Variants in LRRC41 observed in about 807,000 individuals in gnomAD.
LRRC41 encodes the protein leucine rich repeat containing 41.
LRRC41 carries 17 observed loss-of-function variants against 72.1 expected under a neutral mutation model. That is an observed-to-expected ratio of 0.24 (90% CI 0.16 to 0.35). The LOEUF (loss-of-function observed/expected upper bound fraction) is 0.35, where lower values mean the gene tolerates loss of function less well. Ranked by LOEUF, LRRC41 falls within the 10% of genes least tolerant of loss-of-function variation. LRRC41 has a pLI of 1.00. For missense variants in LRRC41, 759 were observed against 1,065.0 expected (o/e 0.71, Z 4.00); for synonymous variants, 427 against 431.0 (o/e 0.99, Z 0.11).
rs1184208897 is a variant in LRRC41 at position 46,279,948 on chromosome 1, A to AC, written c.2020+243_2020+244insG. ...ACATTTATTTTGCCCCACCACCACC[A>AC]TTTTGTCCACCTCTGAAAGGTAAGA... On this transcript the variant is annotated intron_variant, in intron 7 of 9. Transcript: ENST00000617190. The surrounding 1 kb of genome is among the most constrained non-coding windows in gnomAD (Gnocchi z 4.5). Among the ~76,000 whole-genome samples, 21 of 152,258 alleles carry AC rather than the reference A, an allele frequency of 1.4e-4. No individual in the cohort carries two copies. The highest frequency in any genetic ancestry group is 5.1e-4 in the African/African-American group (21 of 41,544).
chr1:46,294,401 C>T (rs1292104321), intron 3 of LRRC41, among the ~76,000 whole-genome samples: 1 of 152,082 alleles, frequency 6.6e-6, no homozygotes, highest in Non-Finnish European at 1.5e-5. Context: ...AGCTACCGCG[C>T]CCAGCCCTTT....
At position 46,302,968 on chromosome 1, in the gene LRRC41, G is replaced by T; in HGVS notation, c.199+156C>A. On this transcript the variant is annotated intron_variant, in intron 1 of 9. Coordinates refer to ENST00000617190, the MANE Select transcript of LRRC41 (RefSeq NM_006369.5). The surrounding 1 kb of genome is among the most constrained non-coding windows in gnomAD (Gnocchi z 4.7). Reference sequence around the variant, plus strand: ...CTCCGTCTTTACTCTGTCCAGCCCTGTCAGTCACAAAATTCATTCTCCGAT... The same window carrying T: ...CTCCGTCTTTACTCTGTCCAGCCCTTTCAGTCACAAAATTCATTCTCCGAT... The T allele has an allele frequency of 1.0e-6, 1 of 983,670 alleles. No individual in the cohort carries two copies. The highest frequency in any genetic ancestry group is 1.2e-6 in the Non-Finnish European group (1 of 829,552). The allele number at this position is 983,670 out of a possible 1,614,324, so 60.9% of individuals were successfully genotyped here. A position where few individuals can be genotyped will look rare whatever the true frequency, so the allele number is the denominator to read the frequency against.
intron 3 of LRRC41, among the ~76,000 whole-genome samples, chr1:46,294,665 G>T (rs1263194261): frequency 2.7e-5 from 4 of 147,232 alleles, no homozygotes; most frequent in African/African-American, 1.0e-4. Flanking sequence ...TGTGATCTTG[G>T]CTCACTGCAA....
At chr1:46,293,108 C>T (rs1016392105) in intron 3 of LRRC41, among the ~76,000 whole-genome samples, 9 of 151,268 alleles carry the variant, frequency 5.9e-5, no homozygotes, top group Admixed American at 1.3e-4. Context: ...CACTTGAACC[C>T]GGGAGGCAGA....
rs77417631 is a variant in LRRC41 at position 46,285,776 on chromosome 1, G to A, written c.1081C>T (p.Pro361Ser). The change falls in exon 4 of 10, where the codon CCA (proline) becomes TCA (serine). Residue 361 changes from proline to serine, a missense_variant. By Grantham distance (74) the Pro-to-Ser change is moderately conservative. Transcript: ENST00000617190. This position sits in a 1 kb window ranked among gnomAD's most constrained non-coding sequence, Gnocchi z 5.3. The stretch of plus-strand genomic sequence containing the variant: ...GAAGAGGCAGAGGAGGTGGCTGCTG[G>A]AGCAGAAGGTGACCGCTTGGTGCCA... ...APGTKRSPSA[P>S]AATSSASSST... is the part of the protein sequence containing the mutation. 8,380 of 1,595,694 alleles carry A rather than the reference G, an allele frequency of 5.3e-3. 28 individuals carry two copies. Among genetic ancestry groups the A allele is most frequent in the Middle Eastern group, 8.6e-3 (51 of 5,930 alleles).
intron 4 of LRRC41, among the ~76,000 whole-genome samples, chr1:46,284,715 C>A (rs981828230): frequency 6.6e-6 from 1 of 151,974 alleles, no homozygotes; most frequent in African/African-American, 2.4e-5. Flanking sequence ...TGAGGTCATC[C>A]CTGAGAAGGG....
At chr1:46,283,333 A>G (rs1660818539) in intron 4 of LRRC41, among the ~76,000 whole-genome samples, 1 of 152,202 alleles carries the variant, frequency 6.6e-6, no homozygotes, top group Non-Finnish European at 1.5e-5. Context: ...AATTGTAAAG[A>G]TAGGGCTGGG....
chr1:46,302,743 G>T lies in LRRC41; in HGVS notation c.199+381C>A. On this transcript the variant is annotated intron_variant, in intron 1 of 9. Transcript: ENST00000617190. The surrounding 1 kb of genome is among the most constrained non-coding windows in gnomAD (Gnocchi z 4.7). The stretch of plus-strand genomic sequence containing the variant: ...TAACCTCGGCCCCTGCCCTAGGGCA[G>T]CCGGGCCATCGCTGCCCACCGGTTC... 2.4e-5 allele frequency: 24 copies of T among 985,004 alleles called. No individual in the cohort carries two copies. The highest frequency in any genetic ancestry group is 2.9e-5 in the Non-Finnish European group (24 of 829,742). 61.0% of individuals were successfully genotyped at this position (985,004 alleles called of 1,614,324 possible). A position where few individuals can be genotyped will look rare whatever the true frequency, so the allele number is the denominator to read the frequency against.
chr1:46,286,523 A>C lies in LRRC41; in HGVS notation c.358-24T>G, dbSNP rs374485886. 1.3e-6 allele frequency: 2 copies of C among 1,566,620 alleles called. No individual in the cohort carries two copies. The highest frequency in any genetic ancestry group is 1.7e-6 in the Non-Finnish European group (2 of 1,155,810). Reference sequence around the variant, plus strand: ...CTCTGAAACGCAGAAAACATGCCAGACAGCCATGATATATCCATGAAACTG... The same window carrying C: ...CTCTGAAACGCAGAAAACATGCCAGCCAGCCATGATATATCCATGAAACTG... On this transcript the variant is annotated intron_variant, in intron 3 of 9. Transcript: ENST00000617190. The surrounding 1 kb of genome is among the most constrained non-coding windows in gnomAD (Gnocchi z 5.5).
rs755708024 is a variant in LRRC41 at position 46,279,304 on chromosome 1, G to A, written c.2144-47C>T. On this transcript the variant is annotated intron_variant, in intron 8 of 9. Transcript: ENST00000617190. The surrounding 1 kb of genome is among the most constrained non-coding windows in gnomAD (Gnocchi z 4.5). ...CTATCACCTCCACCCAAGAACAGGGGACAAGGGTATCCCAACCCAACTATG... is the reference window on the plus strand; with the variant it reads ...CTATCACCTCCACCCAAGAACAGGGAACAAGGGTATCCCAACCCAACTATG... 6.2e-6 allele frequency: 10 copies of A among 1,601,512 alleles called. No homozygotes were observed. The South Asian group carries it at 9.9e-5, about 16-fold the overall frequency.
chr1:46,297,701 G>A, intron 2 of LRRC41, 68 bp from the exon 3 acceptor site: 1 of 1,163,978 alleles, frequency 8.6e-7, no homozygotes, highest in Non-Finnish European at 1.3e-6. Flanking sequence ...AACCTTTCAT[G>A]TTGTCTTCTG....
At chr1:46,292,927 T>C (rs990692686) in intron 3 of LRRC41, among the ~76,000 whole-genome samples, 2 of 152,346 alleles carry the variant, frequency 1.3e-5, no homozygotes, top group Admixed American at 1.3e-4. Context: ...GGCTCACGCC[T>C]ATAATCCCAG....
chr1:46,279,740 T>A lies in LRRC41; in HGVS notation c.2021-126A>T. 1.8e-6 allele frequency: 2 copies of A among 1,129,688 alleles called. No individual in the cohort carries two copies. The highest frequency in any genetic ancestry group is 2.6e-6 in the Non-Finnish European group (2 of 779,830). 70.0% of individuals were successfully genotyped at this position (1,129,688 alleles called of 1,614,324 possible). On this transcript the variant is annotated intron_variant, in intron 7 of 9. Coordinates refer to ENST00000617190, the MANE Select transcript of LRRC41 (RefSeq NM_006369.5). This position sits in a 1 kb window ranked among gnomAD's most constrained non-coding sequence, Gnocchi z 4.5. ...GCCCAAAAAGAGGAAGGAATTTGTC[T>A]AGACTCCAAGCAAGGCTGGAACTAA...
chr1:46,279,172 C>T lies in LRRC41; in HGVS notation c.2219+10G>A. ...GCCCCATCCCTTGTCTTGCCCCTCC[C>T]CTCATGTACCTGATGTCCAGCTGAC... is the stretch of plus-strand genomic sequence containing the variant. On this transcript the variant is annotated intron_variant, in intron 9 of 9. Coordinates refer to ENST00000617190, the MANE Select transcript of LRRC41 (RefSeq NM_006369.5). This position sits in a 1 kb window ranked among gnomAD's most constrained non-coding sequence, Gnocchi z 4.5. 1.2e-6 allele frequency: 2 copies of T among 1,614,068 alleles called. No individual in the cohort carries two copies. The highest frequency in any genetic ancestry group is 1.7e-6 in the Non-Finnish European group (2 of 1,179,942).
intron 3 of LRRC41, among the ~76,000 whole-genome samples, chr1:46,287,170 G>A (rs139951950): frequency 0.015 from 2,223 of 151,860 alleles, 42 homozygotes; most frequent in African/African-American, 0.049. Context: ...GTCCAGTGGC[G>A]TGATCTCGGC....
chr1:46,302,471 C>T lies in LRRC41; in HGVS notation c.199+653G>A, dbSNP rs988510883. On this transcript the variant is annotated intron_variant, in intron 1 of 9. Transcript: ENST00000617190. This position sits in a 1 kb window ranked among gnomAD's most constrained non-coding sequence, Gnocchi z 4.7. ...TTAGTCAGTTTGGCACCCGAGACCCCGGTTGTCGGTTCGCTCCCGTCAGCC... is the reference window on the plus strand; with the variant it reads ...TTAGTCAGTTTGGCACCCGAGACCCTGGTTGTCGGTTCGCTCCCGTCAGCC... 3.0e-6 allele frequency: 3 copies of T among 985,272 alleles called. No individual in the cohort carries two copies. The African/African-American group carries it at 5.2e-5, about 17-fold the overall frequency. 61.0% of individuals were successfully genotyped at this position (985,272 alleles called of 1,614,324 possible). A position where few individuals can be genotyped will look rare whatever the true frequency, so the allele number is the denominator to read the frequency against.
At chr1:46,301,880 A>C in intron 1 of LRRC41, 1 of 876,136 alleles carries the variant, frequency 1.1e-6, no homozygotes, top group Non-Finnish European at 1.4e-6. Flanking sequence ...GCCCAACTCC[A>C]ACCCCGGCCT....
At position 46,303,382 on chromosome 1, in the gene LRRC41, G is replaced by A; in HGVS notation, c.-60C>T. ...GCGGACCGCCATCTTGAAAAGGTCA[G>A]CAGTTAGGACGGCTCCATAAGCGAT... On this transcript the variant is annotated 5_prime_UTR_variant, in exon 1 of 10. Coordinates refer to ENST00000617190, the MANE Select transcript of LRRC41 (RefSeq NM_006369.5). The A allele has an allele frequency of 7.0e-7, 1 of 1,432,118 alleles. No individual in the cohort carries two copies. The highest frequency in any genetic ancestry group is 9.2e-7 in the Non-Finnish European group (1 of 1,085,254). 88.7% of individuals were successfully genotyped at this position (1,432,118 alleles called of 1,614,324 possible).
At chr1:46,293,420 TG>T (rs1183125324) in intron 3 of LRRC41, among the ~76,000 whole-genome samples, 3 of 151,934 alleles carry the variant, frequency 2.0e-5, no homozygotes, top group Non-Finnish European at 2.9e-5. Context: ...TTGTATTTTT[TG>T]TAGAGACAAG....
Sources: allele counts gnomAD v4.1 joint callset (sites outside exome capture counted in the v4.1 genomes callset), GRCh38; gene constraint gnomAD v4.1.1; non-coding constraint Gnocchi (gnomAD v3.1); transcripts MANE v1.5; gene names NCBI Gene and HGNC (gene_info 2026-07-23, HGNC 2026-07-21).